CAST: variants seen among roughly 807,000 people sequenced by gnomAD.
The protein encoded by CAST is calpastatin.
Under a neutral mutation model 119.6 loss-of-function variants are expected in CAST, and 76 were observed. The ratio of observed to expected loss-of-function variants is 0.64; its 90% confidence interval spans 0.53 to 0.77. The LOEUF (loss-of-function observed/expected upper bound fraction) is 0.77. CAST is among the 30% of genes least tolerant of loss of function. CAST has a pLI of 0.00. For synonymous variants in CAST, 319 were observed against 331.6 expected, an observed-to-expected ratio of 0.96 and a Z score of 0.41; for missense variants, 953 against 946.5, an observed-to-expected ratio of 1.01 and a Z score of -0.09.
At chr5:96,409,912 T>C in the CAST span, among the ~76,000 whole-genome samples, 1 of 152,180 alleles carries the variant, frequency 6.6e-6, no homozygotes, top group African/African-American at 2.4e-5. Context: ...GTGTTGACAA[T>C]TTTGTTGAGA....
chr5:96,481,580 C>G, the CAST span, among the ~76,000 whole-genome samples: 1 of 152,176 alleles, frequency 6.6e-6, no homozygotes, highest in African/African-American at 2.4e-5. Flanking sequence ...CATAACACTT[C>G]AGGAACTATC....
chr5:96,671,237 C>T (rs573587404), intron 1 of CAST, among the ~76,000 whole-genome samples: 1 of 152,212 alleles, frequency 6.6e-6, no homozygotes, highest in African/African-American at 2.4e-5. Context: ...CTTGTCCTTC[C>T]AGTGAAATTC....
chr5:96,730,235 A>G (rs1016277125), intron 8 of CAST, among the ~76,000 whole-genome samples: 2 of 152,228 alleles, frequency 1.3e-5, no homozygotes, highest in Non-Finnish European at 2.9e-5. Flanking sequence ...ATTAACATCT[A>G]CAAGAAATAC....
chr5:96,498,173 G>A, the CAST span, among the ~76,000 whole-genome samples: 1 of 152,170 alleles, frequency 6.6e-6, no homozygotes, highest in South Asian at 2.1e-4. Flanking sequence ...GATGGTTGTA[G>A]ATATGCGGCA....
At chr5:96,560,900 C>T (rs1262056695) in intron 1 of CAST, among the ~76,000 whole-genome samples, 1 of 152,122 alleles carries the variant, frequency 6.6e-6, no homozygotes, top group East Asian at 1.9e-4. Flanking sequence ...GACACATGGA[C>T]ACATATGTTT....
At chr5:95,962,308 CAA>C in the CAST span, among the ~76,000 whole-genome samples, 1 of 152,200 alleles carries the variant, frequency 6.6e-6, no homozygotes, top group Admixed American at 6.5e-5. Flanking sequence ...TGGCCGTGAC[CAA>C]ATAAGGACTT....
At chr5:96,218,319 A>C in the CAST span, among the ~76,000 whole-genome samples, 1 of 152,208 alleles carries the variant, frequency 6.6e-6, no homozygotes, top group Admixed American at 6.5e-5. Flanking sequence ...ATCATAATGA[A>C]GCAGAGGCCC....
the CAST span, chr5:96,395,121 C>G: frequency 2.0e-6 from 2 of 1,004,862 alleles, no homozygotes; most frequent in Non-Finnish European, 3.1e-6. Flanking sequence ...GTTAAAATCT[C>G]ATTTTAAGAT....
chr5:96,675,811 A>G, intron 2 of CAST: 1 of 461,228 alleles, frequency 2.2e-6, no homozygotes, highest in Non-Finnish European at 3.8e-6. Flanking sequence ...CTGTATGAAT[A>G]CTTTCCCTTT....
At chr5:96,355,463 A>G in the CAST span, among the ~76,000 whole-genome samples, 1 of 152,154 alleles carries the variant, frequency 6.6e-6, no homozygotes, top group Non-Finnish European at 1.5e-5. Flanking sequence ...AGTCTTTGCT[A>G]TTGTGAACAG....
intron 1 of CAST, among the ~76,000 whole-genome samples, chr5:96,618,829 C>T (rs961516003): frequency 3.9e-5 from 6 of 152,224 alleles, no homozygotes; most frequent in Admixed American, 6.5e-5. Context: ...TGAGCCTCCC[C>T]GACAGGCGCT....
At chr5:96,142,541 GA>G in the CAST span, among the ~76,000 whole-genome samples, 1 of 152,186 alleles carries the variant, frequency 6.6e-6, no homozygotes, top group African/African-American at 2.4e-5. Flanking sequence ...GCAGAGTGTG[GA>G]AATTTGAAGC....
the CAST span, among the ~76,000 whole-genome samples, chr5:96,068,302 C>G: frequency 6.6e-6 from 1 of 152,094 alleles, no homozygotes; most frequent in Admixed American, 6.6e-5. Context: ...ATCTCTATTA[C>G]TGAATGAACA....
At chr5:96,241,145 C>G in the CAST span, among the ~76,000 whole-genome samples, 1 of 151,546 alleles carries the variant, frequency 6.6e-6, no homozygotes, top group Non-Finnish European at 1.5e-5. Context: ...ATGTGCCATG[C>G]TGGTGTGCTG....
chr5:96,372,325 A>G, the CAST span, among the ~76,000 whole-genome samples: 1 of 152,154 alleles, frequency 6.6e-6, no homozygotes, highest in Non-Finnish European at 1.5e-5. Context: ...TCTTTTGCCC[A>G]TGAATCTGAT....
the CAST span, among the ~76,000 whole-genome samples, chr5:96,241,526 A>G: frequency 3.0e-4 from 44 of 147,902 alleles, no homozygotes; most frequent in South Asian, 6.7e-4. Flanking sequence ...ATAAACATAC[A>G]TGTGCATGTG....
At chr5:95,980,099 T>C in the CAST span, among the ~76,000 whole-genome samples, 4 of 151,976 alleles carry the variant, frequency 2.6e-5, no homozygotes, top group Admixed American at 6.6e-5. Flanking sequence ...ACCTGGGCAA[T>C]AGAGTGAGAC....
the CAST span, among the ~76,000 whole-genome samples, chr5:96,299,249 AAACAACAAC>A: frequency 0.065 from 9,704 of 149,338 alleles, 468 homozygotes; most frequent in African/African-American, 0.13. Context: ...CTCAGTCTCA[AAACAACAAC>A]AACAACAACA....
At chr5:96,693,930 G>A (rs1324826913) in intron 2 of CAST, among the ~76,000 whole-genome samples, 2 of 152,096 alleles carry the variant, frequency 1.3e-5, no homozygotes, top group Non-Finnish European at 2.9e-5. Context: ...TTATTCTACA[G>A]ATGATGCCTG....
Sources: gnomAD v4.1 joint callset for allele counts (sites outside exome capture counted in the v4.1 genomes callset) on GRCh38, gnomAD v4.1.1 for gene constraint, MANE v1.5 for transcripts, NCBI Gene and HGNC (gene_info 2026-07-23, HGNC 2026-07-21) for gene names.